The following CNTN5 variants were observed in gnomAD, a reference collection of about 807,000 sequenced individuals.
CNTN5 encodes contactin-5.
Under a neutral mutation model 129.1 loss-of-function variants are expected in CNTN5, and 77 were observed. That is an observed-to-expected ratio of 0.60 (90% CI 0.50 to 0.72). CNTN5 has a LOEUF of 0.72. Ranked by LOEUF, CNTN5 falls within the 30% of genes least tolerant of loss-of-function variation. The probability of loss-of-function intolerance (pLI) is 0.00; values close to 1 mark genes in which losing one functional copy is unlikely to be tolerated. For synonymous variants in CNTN5, 509 were observed against 465.6 expected (o/e 1.09, Z -1.20); for missense variants, 1,478 against 1,328.8 (o/e 1.11, Z -1.75).
intron 21 of CNTN5, among the ~76,000 whole-genome samples, chr11:100,323,774 T>C (rs1951740636): frequency 6.6e-6 from 1 of 152,180 alleles, no homozygotes; most frequent in Non-Finnish European, 1.5e-5. Context: ...GTCATTTTTA[T>C]ATCCTTCTTT....
At chr11:99,234,844 A>G (rs989555302) in intron 1 of CNTN5, among the ~76,000 whole-genome samples, 1 of 152,186 alleles carries the variant, frequency 6.6e-6, no homozygotes, top group African/African-American at 2.4e-5. Flanking sequence ...TCATTATGTC[A>G]ATAAGCATCA....
intron 8 of CNTN5, among the ~76,000 whole-genome samples, chr11:99,987,524 A>AATAT (rs10674388): frequency 0.33 from 46,861 of 140,986 alleles, 8,371 homozygotes; most frequent in Non-Finnish European, 0.43. Context: ...TGTATTTATG[A>AATAT]ATATATATAT....
intron 7 of CNTN5, among the ~76,000 whole-genome samples, chr11:99,942,481 C>T (rs1052924159): frequency 2.6e-5 from 4 of 151,922 alleles, no homozygotes; most frequent in African/African-American, 9.7e-5. Context: ...GATGTATCTA[C>T]AAAATTTCAG....
intron 3 of CNTN5, among the ~76,000 whole-genome samples, chr11:99,792,610 G>A (rs1945792375): frequency 7.8e-6 from 1 of 127,824 alleles, no homozygotes; most frequent in Non-Finnish European, 1.6e-5. Context: ...CAAGGTTTTG[G>A]TATTAAGATG....
intron 1 of CNTN5, among the ~76,000 whole-genome samples, chr11:99,053,977 T>C (rs547437269): frequency 5.3e-5 from 8 of 152,022 alleles, no homozygotes; most frequent in Admixed American, 5.3e-4. Flanking sequence ...ACTTTTTAGA[T>C]GAATAATTTT....
chr11:99,203,413 G>C (rs1211262254), intron 1 of CNTN5, among the ~76,000 whole-genome samples: 1 of 152,112 alleles, frequency 6.6e-6, no homozygotes, highest in Non-Finnish European at 1.5e-5. Flanking sequence ...AGGTGATACA[G>C]TTCTGAAAAT....
chr11:99,625,142 A>AT (rs1174696822), intron 3 of CNTN5, among the ~76,000 whole-genome samples: 2 of 152,194 alleles, frequency 1.3e-5, no homozygotes, highest in Non-Finnish European at 2.9e-5. Flanking sequence ...CAGGAAATAG[A>AT]TTAAGTGCCT....
chr11:99,339,137 T>G (rs1245845767), intron 2 of CNTN5, among the ~76,000 whole-genome samples: 1 of 151,626 alleles, frequency 6.6e-6, no homozygotes, highest in Admixed American at 6.6e-5. Flanking sequence ...CAACATCTTA[T>G]GTACTCCATA....
intron 2 of CNTN5, among the ~76,000 whole-genome samples, chr11:99,406,377 C>G (rs562117590): frequency 7.0e-6 from 1 of 143,480 alleles, no homozygotes; most frequent in South Asian, 2.3e-4. Context: ...TTGTTCTTTT[C>G]CCATACTTTG....
At chr11:100,064,587 C>G (rs1943620489) in intron 10 of CNTN5, among the ~76,000 whole-genome samples, 2 of 152,064 alleles carry the variant, frequency 1.3e-5, no homozygotes, top group Non-Finnish European at 2.9e-5. Flanking sequence ...TTAGCATAAA[C>G]TGCATAAATA....
chr11:99,078,290 A>G (rs1246479938), intron 1 of CNTN5, among the ~76,000 whole-genome samples: 1 of 152,202 alleles, frequency 6.6e-6, no homozygotes, highest in African/African-American at 2.4e-5. Context: ...TAGATATTTT[A>G]AATTGTTGAT....
At chr11:99,330,111 G>A (rs940291103) in intron 2 of CNTN5, among the ~76,000 whole-genome samples, 2 of 147,644 alleles carry the variant, frequency 1.4e-5, no homozygotes, top group African/African-American at 5.0e-5. Context: ...AAGTACATCA[G>A]GAAAGAAGGG....
At chr11:99,268,117 A>T (rs1306421580) in intron 1 of CNTN5, among the ~76,000 whole-genome samples, 1 of 151,998 alleles carries the variant, frequency 6.6e-6, no homozygotes, top group South Asian at 2.1e-4. Flanking sequence ...CAAGTTACTT[A>T]ATCTTTCTGA....
chr11:99,746,954 G>A (rs1383174128), intron 3 of CNTN5, among the ~76,000 whole-genome samples: 1 of 152,096 alleles, frequency 6.6e-6, no homozygotes, highest in African/African-American at 2.4e-5. Flanking sequence ...CTATAGCTGT[G>A]GAAAATAGCA....
intron 2 of CNTN5, among the ~76,000 whole-genome samples, chr11:99,401,271 G>A (rs945042860): frequency 1.3e-5 from 2 of 152,086 alleles, no homozygotes; most frequent in African/African-American, 4.8e-5. Context: ...GTCAGAGATA[G>A]GGATCTAGTT....
At chr11:99,194,398 G>C (rs1429685472) in intron 1 of CNTN5, among the ~76,000 whole-genome samples, 1 of 152,024 alleles carries the variant, frequency 6.6e-6, no homozygotes, top group African/African-American at 2.4e-5. Context: ...GTTGCAATAA[G>C]ATACACAGCA....
At chr11:100,154,655 C>T (rs1308939906) in intron 13 of CNTN5, among the ~76,000 whole-genome samples, 1 of 152,098 alleles carries the variant, frequency 6.6e-6, no homozygotes, top group African/African-American at 2.4e-5. Context: ...TAAAAGCCCT[C>T]CAATCTCTCC....
intron 1 of CNTN5, among the ~76,000 whole-genome samples, chr11:99,165,031 G>A (rs916081378): frequency 3.2e-4 from 48 of 152,008 alleles, no homozygotes; most frequent in African/African-American, 1.1e-3. Flanking sequence ...TTTTTTTTTA[G>A]TTGTTGGGTA....
At chr11:99,221,175 G>A (rs1860379363) in intron 1 of CNTN5, among the ~76,000 whole-genome samples, 1 of 151,808 alleles carries the variant, frequency 6.6e-6, no homozygotes, top group Non-Finnish European at 1.5e-5. Context: ...ATTCAAACAA[G>A]TATAACTTTG....
Sources: allele counts gnomAD v4.1 joint callset (sites outside exome capture counted in the v4.1 genomes callset), GRCh38; gene constraint gnomAD v4.1.1; transcripts MANE v1.5; gene names NCBI Gene and HGNC (gene_info 2026-07-23, HGNC 2026-07-21).